RORA: variants seen among roughly 807,000 people sequenced by gnomAD.
The protein encoded by RORA is nuclear receptor ROR-alpha.
Under a neutral mutation model 69.5 loss-of-function variants are expected in RORA, and 7 were observed. That is an observed-to-expected ratio of 0.10 (90% CI 0.06 to 0.19). The LOEUF (loss-of-function observed/expected upper bound fraction) is 0.19, where lower values mean the gene tolerates loss of function less well. Among genes scored for constraint, RORA ranks in the 10% least tolerant of loss-of-function variants. The pLI is 1.00. For missense variants in RORA, 457 were observed against 663.0 expected (o/e 0.69, Z 3.41); for synonymous variants, 261 against 240.8 (o/e 1.08, Z -0.78).
intron 1 of RORA, among the ~76,000 whole-genome samples, chr15:60,981,433 T>C (rs1894042640): frequency 6.6e-6 from 1 of 152,090 alleles, no homozygotes; most frequent in Non-Finnish European, 1.5e-5. Context: ...ACGCTCTTTA[T>C]GGGTGTATTG....
chr15:60,884,143 A>G (rs1163153544), intron 1 of RORA, among the ~76,000 whole-genome samples: 1 of 152,152 alleles, frequency 6.6e-6, no homozygotes, highest in East Asian at 1.9e-4. Flanking sequence ...CAAATGGAAT[A>G]AAAGAGCTAT....
At chr15:61,067,498 T>C (rs2078280178) in intron 1 of RORA, among the ~76,000 whole-genome samples, 1 of 152,202 alleles carries the variant, frequency 6.6e-6, no homozygotes, top group Non-Finnish European at 1.5e-5. Flanking sequence ...TGGTAGCCAT[T>C]TGTTAAATAC....
chr15:60,525,592 C>T (rs556454577), intron 3 of RORA, among the ~76,000 whole-genome samples: 1 of 152,322 alleles, frequency 6.6e-6, no homozygotes, highest in African/African-American at 2.4e-5. Flanking sequence ...TTTGGAACGG[C>T]TACACACTTG....
At chr15:60,827,390 TA>T (rs935168774) in intron 1 of RORA, among the ~76,000 whole-genome samples, 1 of 152,218 alleles carries the variant, frequency 6.6e-6, no homozygotes, top group Non-Finnish European at 1.5e-5. Context: ...GTCTGGCACG[TA>T]AAAAAATCCA....
At chr15:60,554,299 G>T (rs527682418) in intron 2 of RORA, among the ~76,000 whole-genome samples, 3 of 152,268 alleles carry the variant, frequency 2.0e-5, no homozygotes, top group African/African-American at 7.2e-5. Context: ...CTATTATATG[G>T]AAGTGTAACA....
In RORA at chr15:60,567,051, T is replaced by A. The variant is rs180801013; in HGVS notation, c.197-35200A>T. The stretch of plus-strand genomic sequence containing the variant: ...TTCAACCACACAATCTCAATAATGA[T>A]AAAGATACTAACAAAGATGAACTAG... On this transcript the variant is annotated intron_variant, in intron 2 of 10. Transcript: ENST00000335670. 3.6e-3 allele frequency among the ~76,000 whole-genome samples: 544 copies of A among 152,290 alleles called. 1 individual carries two copies. Among genetic ancestry groups the A allele is most frequent in the Admixed American group, 7.5e-3 (115 of 15,294 alleles).
intron 2 of RORA, chr15:60,614,848 C>A: frequency 1.3e-6 from 2 of 1,508,984 alleles, no homozygotes; most frequent in African/African-American, 1.4e-5. Context: ...GACATGCTTA[C>A]ATACATATAG....
At chr15:60,987,585 CTT>C (rs563912045) in intron 1 of RORA, among the ~76,000 whole-genome samples, 35 of 152,252 alleles carry the variant, frequency 2.3e-4, no homozygotes, top group South Asian at 2.3e-3. Context: ...AAACCTGAGA[CTT>C]ATAACCACAT....
chr15:61,222,747 T>C (rs932021880), intron 1 of RORA, among the ~76,000 whole-genome samples: 3 of 152,186 alleles, frequency 2.0e-5, no homozygotes, highest in Non-Finnish European at 2.9e-5. Context: ...TCCATATTCG[T>C]CCAGTGAAAA....
intron 1 of RORA, among the ~76,000 whole-genome samples, chr15:60,745,164 C>T (rs1341928183): frequency 6.6e-6 from 1 of 152,216 alleles, no homozygotes; most frequent in African/African-American, 2.4e-5. Context: ...AAAAAGAAAC[C>T]GAATGAGACA....
rs1015258251 is a variant in RORA, at chr15:60,494,290, C to T, written c.*3165G>A. 2 of 152,132 alleles carry T rather than the reference C, an allele frequency of 1.3e-5. No individual in the cohort carries two copies. Among genetic ancestry groups the T allele is most frequent in the Admixed American group, 1.3e-4 (2 of 15,266 alleles). The allele number at this position is 152,132 out of a possible 1,614,324, so 9.4% of individuals were successfully genotyped here. ...GGCCAGGTTTTTCACAATATAATAA[C>T]CATTTGGACACCATTGGAACAGAAG... On this transcript the variant is annotated 3_prime_UTR_variant, in exon 11 of 11. Coordinates refer to ENST00000335670, the MANE Select transcript of RORA (RefSeq NM_134261.3).
intron 1 of RORA, among the ~76,000 whole-genome samples, chr15:61,049,540 A>G (rs1897202591): frequency 6.6e-6 from 1 of 152,250 alleles, no homozygotes; most frequent in Non-Finnish European, 1.5e-5. Flanking sequence ...AACTGGTAGC[A>G]TGAGGAGTAC....
rs147011675 is a variant in RORA at position 60,699,584 on chromosome 15, T to C, written c.167-20898A>G. ...CTTCTTTAGAAAATAAGGCCAACCA[T>C]TGAGATTTGGGGCATCTACTTCTTA... is the stretch of plus-strand genomic sequence containing the variant. On this transcript the variant is annotated intron_variant, in intron 1 of 10. Transcript: ENST00000335670. Among the ~76,000 whole-genome samples the C allele has an allele frequency of 2.1e-3, 318 of 152,332 alleles. 2 individuals carry two copies. The highest frequency in any genetic ancestry group is 7.3e-3 in the African/African-American group (304 of 41,582).
At chr15:60,570,057 C>T (rs568854276) in intron 2 of RORA, among the ~76,000 whole-genome samples, 2 of 152,166 alleles carry the variant, frequency 1.3e-5, no homozygotes, top group African/African-American at 4.8e-5. Flanking sequence ...TGAGATCCTT[C>T]GACAGAAGGG....
chr15:61,040,006 A>T (rs547706107), intron 1 of RORA, among the ~76,000 whole-genome samples: 7 of 149,820 alleles, frequency 4.7e-5, no homozygotes, highest in African/African-American at 1.2e-4. Flanking sequence ...CATTTTGTTG[A>T]TGGTAGTTTT....
chr15:60,627,117 T>C, intron 2 of RORA: 1 of 860,918 alleles, frequency 1.2e-6, no homozygotes, highest in Non-Finnish European at 1.8e-6. Context: ...GCTTCATCTT[T>C]TCCTTCACTC....
chr15:60,569,536 C>G (rs2140448186), intron 2 of RORA, among the ~76,000 whole-genome samples: 1 of 152,242 alleles, frequency 6.6e-6, no homozygotes, highest in African/African-American at 2.4e-5. Context: ...CTAATGACAA[C>G]AGTGATTTTG....
At chr15:60,798,411 C>T (rs2072528866) in intron 1 of RORA, among the ~76,000 whole-genome samples, 1 of 152,034 alleles carries the variant, frequency 6.6e-6, no homozygotes, top group African/African-American at 2.4e-5. Context: ...AAGTACTGAA[C>T]TTGGAGAAAC....
intron 1 of RORA, among the ~76,000 whole-genome samples, chr15:61,158,297 C>G (rs2140880635): frequency 6.6e-6 from 1 of 152,236 alleles, no homozygotes; most frequent in South Asian, 2.1e-4. Context: ...GACCTGACAG[C>G]CTTCTCCTCT....
Sources: allele counts gnomAD v4.1 joint callset (sites outside exome capture counted in the v4.1 genomes callset), GRCh38; gene constraint gnomAD v4.1.1; transcripts MANE v1.5; gene names NCBI Gene and HGNC (gene_info 2026-07-23, HGNC 2026-07-21).